Variants in CAST observed in about 807,000 individuals in gnomAD.
The protein encoded by CAST is calpastatin.
CAST carries 76 observed loss-of-function variants against 119.6 expected under a neutral mutation model. The ratio of observed to expected loss-of-function variants is 0.64; its 90% CI spans 0.53 to 0.77. The LOEUF (loss-of-function observed/expected upper bound fraction) is 0.77, where lower values mean the gene tolerates loss of function less well. CAST is among the 30% of genes least tolerant of loss of function. The pLI, the probability that CAST is intolerant of heterozygous loss-of-function variation, is 0.00. For synonymous variants in CAST, 319 were observed against 331.6 expected, an observed-to-expected ratio of 0.96 and a Z score of 0.41; for missense variants, 953 against 946.5, an observed-to-expected ratio of 1.01 and a Z score of -0.09.
At chr5:96,054,214 G>C in the CAST span, among the ~76,000 whole-genome samples, 1 of 151,770 alleles carries the variant, frequency 6.6e-6, no homozygotes, top group Non-Finnish European at 1.5e-5. Flanking sequence ...TTCTATTTCT[G>C]TGTGTCTTGG....
chr5:96,421,870 AT>A, the CAST span: 1 of 1,409,842 alleles, frequency 7.1e-7, no homozygotes, highest in Non-Finnish European at 1.0e-6. Flanking sequence ...ACAAATGCAT[AT>A]TTACTCACTT....
chr5:96,659,631 C>A (rs772832611), upstream of CAST, among the ~76,000 whole-genome samples: 3 of 152,084 alleles, frequency 2.0e-5, no homozygotes, highest in African/African-American at 7.2e-5. Flanking sequence ...CTTGTTCAGG[C>A]GATTCTTGTG....
the CAST span, among the ~76,000 whole-genome samples, chr5:96,428,628 T>A: frequency 6.6e-6 from 1 of 152,184 alleles, no homozygotes; most frequent in African/African-American, 2.4e-5. Context: ...ATGGTTTGGA[T>A]CCAACAATAG....
intron 3 of CAST, among the ~76,000 whole-genome samples, chr5:96,699,236 A>C: frequency 6.6e-6 from 1 of 152,226 alleles, no homozygotes; most frequent in South Asian, 2.1e-4. Context: ...TTGTCAGACA[A>C]CTTCTATTTC....
intron 2 of CAST, among the ~76,000 whole-genome samples, chr5:96,680,018 T>C (rs1438902469): frequency 6.6e-6 from 1 of 151,936 alleles, no homozygotes; most frequent in African/African-American, 2.4e-5. Context: ...AATATAATTA[T>C]TGGAAAAAAA....
At chr5:96,667,876 G>C (rs562549336) in intron 1 of CAST, among the ~76,000 whole-genome samples, 1 of 152,144 alleles carries the variant, frequency 6.6e-6, no homozygotes, top group Non-Finnish European at 1.5e-5. Flanking sequence ...TTAGCTGGGC[G>C]TGGTGGCAGG....
the CAST span, among the ~76,000 whole-genome samples, chr5:96,226,781 A>C: frequency 3.2e-4 from 49 of 152,174 alleles, no homozygotes; most frequent in African/African-American, 1.1e-3. Flanking sequence ...CACTTGTTCT[A>C]CCCAACAGCC....
chr5:96,622,360 T>C (rs868206878), intron 1 of CAST, among the ~76,000 whole-genome samples: 7 of 152,328 alleles, frequency 4.6e-5, no homozygotes, highest in Middle Eastern at 3.4e-3. Context: ...TGGTCACCAC[T>C]AGCTGCCAAT....
At chr5:96,653,081 C>T (rs1452988109) in intron 1 of CAST, among the ~76,000 whole-genome samples, 8 of 152,174 alleles carry the variant, frequency 5.3e-5, no homozygotes. Flanking sequence ...GCAGTTATTC[C>T]ATAGTTTAGT....
At chr5:96,277,241 G>C in the CAST span, among the ~76,000 whole-genome samples, 1 of 85,748 alleles carries the variant, frequency 1.2e-5, no homozygotes. Context: ...ACATTTTTCA[G>C]TTTTTCTGGG....
intron 1 of CAST, among the ~76,000 whole-genome samples, chr5:96,655,847 T>C (rs182612599): frequency 1.3e-5 from 2 of 152,314 alleles, no homozygotes; most frequent in Non-Finnish European, 2.9e-5. Context: ...AAATCGGGAT[T>C]TTCAATCTTC....
chr5:96,273,379 T>C, the CAST span, among the ~76,000 whole-genome samples: 4 of 152,112 alleles, frequency 2.6e-5, no homozygotes, highest in African/African-American at 7.2e-5. Flanking sequence ...AGTGTGACAG[T>C]TGAGGAAAGA....
the CAST span, among the ~76,000 whole-genome samples, chr5:96,497,631 A>G: frequency 6.6e-6 from 1 of 150,730 alleles, no homozygotes; most frequent in Non-Finnish European, 1.5e-5. Context: ...GCATTTTTTC[A>G]TGTGTCTTTT....
intron 16 of CAST, chr5:96,743,397 A>G: frequency 2.3e-6 from 1 of 428,948 alleles, no homozygotes. Flanking sequence ...GAGGAAGGAA[A>G]GGAGAGAGTT....
At chr5:96,746,626 G>C (rs1461798216) in intron 17 of CAST, among the ~76,000 whole-genome samples, 3 of 152,224 alleles carry the variant, frequency 2.0e-5, no homozygotes, top group African/African-American at 7.2e-5. Context: ...TTCCTAAGTA[G>C]TGACCATGTG....
At chr5:96,136,291 G>A in the CAST span, among the ~76,000 whole-genome samples, 3 of 152,134 alleles carry the variant, frequency 2.0e-5, no homozygotes, top group Non-Finnish European at 2.9e-5. Flanking sequence ...TTAACTAGAA[G>A]AAATTTTTTC....
chr5:95,961,749 C>A, the CAST span: 1 of 1,576,488 alleles, frequency 6.3e-7, no homozygotes, highest in Admixed American at 1.8e-5. Flanking sequence ...GCCGCCGCCG[C>A]CGCCGCTCCG....
chr5:96,543,777 G>A (rs1745957667), intron 1 of CAST, among the ~76,000 whole-genome samples: 1 of 151,972 alleles, frequency 6.6e-6, no homozygotes, highest in South Asian at 2.1e-4. Context: ...GTTTGCACTT[G>A]GACATCTAAT....
the CAST span, among the ~76,000 whole-genome samples, chr5:96,507,481 G>A: frequency 8.5e-5 from 13 of 152,176 alleles, no homozygotes; most frequent in Admixed American, 8.5e-4. Context: ...AAATGGGAAT[G>A]AACCCACTTT....
Sources: allele counts gnomAD v4.1 joint callset (sites outside exome capture counted in the v4.1 genomes callset), GRCh38; gene constraint gnomAD v4.1.1; transcripts MANE v1.5; gene names NCBI Gene and HGNC (gene_info 2026-07-23, HGNC 2026-07-21).